CACNA1C: variants seen among roughly 807,000 people sequenced by gnomAD.
CACNA1C encodes the protein calcium voltage-gated channel subunit alpha1 C.
A neutral mutation model predicts 229.0 loss-of-function variants in CACNA1C; 30 were observed. That is an observed-to-expected ratio of 0.13 (90% CI 0.10 to 0.18). The LOEUF is 0.18. Ranked by LOEUF, CACNA1C falls within the 10% of genes least tolerant of loss-of-function variation. CACNA1C has a pLI of 1.00. For synonymous variants in CACNA1C, 1,114 were observed against 1,132.5 expected, an observed-to-expected ratio of 0.98 and a Z score of 0.33; for missense variants, 1,658 against 2,845.0, an observed-to-expected ratio of 0.58 and a Z score of 9.49.
intron 1 of CACNA1C, among the ~76,000 whole-genome samples, chr12:2,032,368 G>A (rs758314144): frequency 2.0e-5 from 3 of 152,128 alleles, no homozygotes; most frequent in Non-Finnish European, 2.9e-5. Context: ...TAGCACACCC[G>A]GCCAGGAGGC....
intron 9 of CACNA1C, among the ~76,000 whole-genome samples, chr12:2,541,556 G>A (rs2099870356): frequency 6.6e-6 from 1 of 152,162 alleles, no homozygotes; most frequent in Non-Finnish European, 1.5e-5. Context: ...AGAAGTTTGG[G>A]TGGGGCAAGC....
At chr12:2,599,260 C>T (rs1463301779) in intron 21 of CACNA1C, among the ~76,000 whole-genome samples, 2 of 152,174 alleles carry the variant, frequency 1.3e-5, no homozygotes, top group Non-Finnish European at 2.9e-5. Context: ...ACCCCAATGC[C>T]GGAACACTCC....
intron 7 of CACNA1C, among the ~76,000 whole-genome samples, chr12:2,503,327 G>T (rs1472489748): frequency 3.9e-5 from 6 of 152,150 alleles, no homozygotes; most frequent in Non-Finnish European, 2.9e-5. Flanking sequence ...TGGAAGTTTG[G>T]GTTTCTATGA....
Position 2,360,279 on chromosome 12 carries a change from C to T in CACNA1C, c.478-88697C>T, listed in dbSNP as rs575315981. Among the ~76,000 whole-genome samples the T allele has an allele frequency of 3.3e-4, 50 of 151,636 alleles. No homozygotes were observed. The South Asian group carries it at 8.8e-3, about 27-fold the overall frequency. On this transcript the variant is annotated intron_variant, in intron 3 of 46. Transcript: ENST00000399655. ...GTGAGGAAAGAGGAAATGCCTCCCC[C>T]GGATTCCTCAGGTTGCTGCCTGCAG...
At chr12:2,358,688 C>T (rs374942019) in intron 3 of CACNA1C, among the ~76,000 whole-genome samples, 40 of 152,298 alleles carry the variant, frequency 2.6e-4, no homozygotes, top group Admixed American at 5.9e-4. Context: ...TAACCGCAAG[C>T]GGTGGGCAGT....
chr12:2,677,817 A>G lies in CACNA1C; in HGVS notation c.5041A>G (p.Lys1681Glu), dbSNP rs1344973089. The change falls in exon 41 of 47, where the codon AAG becomes GAG. Residue 1681 changes from lysine to glutamate, a missense_variant. This residue lies in a region of CACNA1C where 590 missense variants were observed against 700.8 expected (regional missense o/e 0.84). Coordinates refer to ENST00000399655, the MANE Select transcript of CACNA1C (RefSeq NM_000719.7). The surrounding 1 kb of genome is among the most constrained non-coding windows in gnomAD (Gnocchi z 7.4). ...TCTCACCGCTGAGGAGGAGCTGGACAAGGCCATGAAGGAGGCTGTGTCCGC... is the reference window on the plus strand; with the variant it reads ...TCTCACCGCTGAGGAGGAGCTGGACGAGGCCATGAAGGAGGCTGTGTCCGC... Reference protein sequence around the residue: ...GDLTAEEELDKAMKEAVSAAS... With the variant: ...GDLTAEEELDEAMKEAVSAAS... The G allele has an allele frequency of 6.2e-7, 1 of 1,613,918 alleles. No individual in the cohort carries two copies. Among genetic ancestry groups the G allele is most frequent in the Non-Finnish European group, 8.5e-7 (1 of 1,179,910 alleles).
At position 2,504,735 on chromosome 12, in the gene CACNA1C, C is replaced by T; in HGVS notation, c.1114-107C>T. 2.5e-6 allele frequency: 2 copies of T among 785,466 alleles called. No homozygotes were observed. 48.7% of individuals were successfully genotyped at this position (785,466 alleles called of 1,614,324 possible). A position where few individuals can be genotyped will look rare whatever the true frequency, so the allele number is the denominator to read the frequency against. The stretch of plus-strand genomic sequence containing the variant: ...GGCCTCTGATTTGCACCTAGAGGGT[C>T]CCCGGATCCTGGCGCTGCGTGGGTC... On this transcript the variant is annotated intron_variant, in intron 7 of 46. Coordinates refer to ENST00000399655, the MANE Select transcript of CACNA1C (RefSeq NM_000719.7). The surrounding 1 kb of genome is among the most constrained non-coding windows in gnomAD (Gnocchi z 6.8).
chr12:2,412,797 T>C (rs1400671451), intron 3 of CACNA1C, among the ~76,000 whole-genome samples: 1 of 152,224 alleles, frequency 6.6e-6, no homozygotes, highest in Admixed American at 6.5e-5. Context: ...TAAACGTGTC[T>C]GAATGTAGGT....
At chr12:2,330,665 A>G (rs2096517447) in intron 3 of CACNA1C, among the ~76,000 whole-genome samples, 1 of 152,220 alleles carries the variant, frequency 6.6e-6, no homozygotes, top group South Asian at 2.1e-4. Flanking sequence ...TGCAACCTTT[A>G]TAAAGCCCAC....
chr12:2,455,744 G>C (rs1290265417), intron 4 of CACNA1C, among the ~76,000 whole-genome samples: 3 of 152,184 alleles, frequency 2.0e-5, no homozygotes, highest in Non-Finnish European at 4.4e-5. Context: ...GTCCAGCCAT[G>C]TCTCTGCAGC....
rs1434699961 is a variant in CACNA1C, at chr12:2,662,013, C to T, written c.4233-2812C>T. Reference sequence around the variant, plus strand: ...ATCCCAGCACTTCGGGAGGCCAAGGCGGGTGGATCACGAGGTCAGGAGATC... The same window carrying T: ...ATCCCAGCACTTCGGGAGGCCAAGGTGGGTGGATCACGAGGTCAGGAGATC... On this transcript the variant is annotated intron_variant, in intron 34 of 46. Transcript: ENST00000399655. Among the ~76,000 whole-genome samples the T allele has an allele frequency of 4.6e-5, 7 of 152,114 alleles. No individual in the cohort carries two copies. In the East Asian group the frequency reaches 5.8e-4, roughly 13 times the overall value.
intron 3 of CACNA1C, among the ~76,000 whole-genome samples, chr12:2,400,753 C>T (rs2098665847): frequency 6.6e-6 from 1 of 152,156 alleles, no homozygotes; most frequent in East Asian, 1.9e-4. Flanking sequence ...GGCCTGCTCA[C>T]CACTGAGTGC....
intron 18 of CACNA1C, among the ~76,000 whole-genome samples, chr12:2,588,209 G>A (rs963212182): frequency 2.6e-5 from 4 of 152,094 alleles, no homozygotes; most frequent in South Asian, 2.1e-4. Flanking sequence ...TTGTTCTCCC[G>A]AACCACGAAT....
chr12:2,437,852 ATGG>A (rs1273460568), intron 3 of CACNA1C, among the ~76,000 whole-genome samples: 3 of 106,542 alleles, frequency 2.8e-5, no homozygotes, highest in Non-Finnish European at 6.6e-5. Context: ...GGTGGTGATG[ATGG>A]TGGTGATGGT....
At chr12:2,164,438 G>A (rs985580628) in intron 3 of CACNA1C, among the ~76,000 whole-genome samples, 1 of 152,198 alleles carries the variant, frequency 6.6e-6, no homozygotes. Flanking sequence ...AATGAGAGTT[G>A]AACTGGATGA....
chr12:2,464,110 G>A lies in CACNA1C; in HGVS notation c.757+6404G>A, dbSNP rs184775448. Among the ~76,000 whole-genome samples the A allele has an allele frequency of 7.9e-5, 12 of 152,298 alleles. 1 individual carries two copies. In the East Asian group the frequency reaches 1.9e-3, roughly 24 times the overall value. ...ACTTGATAAAGGGAGAAGTCAAATG[G>A]AGATGAGAAAGATGTGTAGGGTCTT... On this transcript the variant is annotated intron_variant, in intron 5 of 46. Coordinates refer to ENST00000399655, the MANE Select transcript of CACNA1C (RefSeq NM_000719.7).
intron 5 of CACNA1C, among the ~76,000 whole-genome samples, chr12:2,475,746 C>T (rs1047718183): frequency 5.8e-5 from 5 of 86,280 alleles, no homozygotes; most frequent in Non-Finnish European, 1.2e-4. Context: ...TGGATGCTCA[C>T]ATTTATGAAA....
intron 7 of CACNA1C, among the ~76,000 whole-genome samples, chr12:2,499,962 A>G (rs1032864931): frequency 3.3e-5 from 5 of 152,234 alleles, no homozygotes; most frequent in Non-Finnish European, 5.9e-5. Context: ...TAGGTGGACC[A>G]GAATAAAGAG....
In CACNA1C at chr12:2,582,881, C is replaced by T. The variant is rs552801013; in HGVS notation, c.2163C>T (p.Gly721=). 1.2e-6 allele frequency: 2 copies of T among 1,608,872 alleles called. No homozygotes were observed. The highest frequency in any genetic ancestry group is 1.7e-5 in the Admixed American group (1 of 59,422). Residue 721 remains glycine (G), a synonymous_variant, in exon 15 of 47, where the codon GGC becomes GGT. Coordinates refer to ENST00000399655, the MANE Select transcript of CACNA1C (RefSeq NM_000719.7). ...ATGATGGGATCATGGCTTATGGCGG[C>T]CCCTCTTTTCCAGGGATGTTAGTCT... The part of the protein sequence containing the change: ...VMYDGIMAYG[G]PSFPGMLVCI...
Sources: allele counts gnomAD v4.1 joint callset (sites outside exome capture counted in the v4.1 genomes callset), GRCh38; gene constraint gnomAD v4.1.1; regional missense constraint gnomAD v4.1.1; non-coding constraint Gnocchi (gnomAD v3.1); transcripts MANE v1.5; gene names NCBI Gene and HGNC (gene_info 2026-07-23, HGNC 2026-07-21).